The following TRHDE variants were observed in gnomAD, a reference collection of about 807,000 sequenced individuals.
TRHDE encodes the protein thyrotropin-releasing hormone-degrading ectoenzyme.
In TRHDE, 72 loss-of-function variants were observed where a neutral mutation model predicts 125.7. That is an observed-to-expected ratio of 0.57 (90% confidence interval 0.47 to 0.70). The LOEUF (loss-of-function observed/expected upper bound fraction) is 0.70. Ranked by LOEUF, TRHDE falls within the 30% of genes least tolerant of loss-of-function variation. The pLI is 0.00. For synonymous variants in TRHDE, 509 were observed against 509.1 expected (o/e 1.00, Z 0.00); for missense variants, 1,110 against 1,327.1 (o/e 0.84, Z 2.54).
chr12:72,650,693 T>G (rs1451149673), intron 15 of TRHDE, among the ~76,000 whole-genome samples: 4 of 151,158 alleles, frequency 2.6e-5, no homozygotes, highest in Non-Finnish European at 4.4e-5. Flanking sequence ...TATTTTGTTG[T>G]TTTTTTTTCT....
intron 2 of TRHDE, among the ~76,000 whole-genome samples, chr12:72,339,437 A>T (rs919829122): frequency 6.6e-6 from 1 of 152,054 alleles, no homozygotes; most frequent in African/African-American, 2.4e-5. Flanking sequence ...GCCATTTCAC[A>T]CTGAAAGTGT....
At chr12:72,391,149 G>A (rs933933055) in intron 3 of TRHDE, among the ~76,000 whole-genome samples, 1 of 152,090 alleles carries the variant, frequency 6.6e-6, no homozygotes, top group Non-Finnish European at 1.5e-5. Flanking sequence ...CACTGGAGGG[G>A]TTTAGGATTT....
At chr12:72,299,719 C>T (rs189676010) in intron 2 of TRHDE, among the ~76,000 whole-genome samples, 1 of 152,238 alleles carries the variant, frequency 6.6e-6, no homozygotes, top group Admixed American at 6.5e-5. Context: ...TTAATCAACT[C>T]AGTGTCCTCT....
rs189400342 is a variant in TRHDE, at chr12:72,497,315, T to C, written c.1585-2183T>C. ...TTGGAATTTACTTTAGATTTTATTT[T>C]TTAAATTATATAGCCATTTACTTTA... On this transcript the variant is annotated intron_variant, in intron 5 of 18. Transcript: ENST00000261180. Among the ~76,000 whole-genome samples the C allele has an allele frequency of 1.1e-4, 16 of 152,250 alleles. No individual in the cohort carries two copies. The East Asian group carries it at 1.5e-3, about 15-fold the overall frequency.
chr12:72,500,248 T>G (rs1878090164), intron 6 of TRHDE, among the ~76,000 whole-genome samples: 2 of 152,148 alleles, frequency 1.3e-5, no homozygotes, highest in South Asian at 4.1e-4. Context: ...TCTTTATATC[T>G]GTATCTCTTA....
chr12:72,641,033 T>A (rs1874037057), intron 15 of TRHDE, among the ~76,000 whole-genome samples: 1 of 152,182 alleles, frequency 6.6e-6, no homozygotes, highest in Non-Finnish European at 1.5e-5. Context: ...GAAGGGACTT[T>A]AGGACTCATG....
chr12:72,659,540 TTACA>T (rs1305700859), intron 18 of TRHDE, among the ~76,000 whole-genome samples: 5 of 152,202 alleles, frequency 3.3e-5, no homozygotes. Flanking sequence ...TTCTATTCAT[TTACA>T]TAGTTATTAA....
At chr12:72,373,877 C>T (rs973173339) in intron 2 of TRHDE, among the ~76,000 whole-genome samples, 8 of 152,192 alleles carry the variant, frequency 5.3e-5, no homozygotes, top group Non-Finnish European at 7.4e-5. Flanking sequence ...TAGTATAGGA[C>T]ATTTGGGGCC....
At chr12:72,333,106 C>T (rs947917016) in intron 2 of TRHDE, among the ~76,000 whole-genome samples, 2 of 152,208 alleles carry the variant, frequency 1.3e-5, no homozygotes, top group Admixed American at 6.5e-5. Flanking sequence ...TTGTCAGGTC[C>T]TTGATTTAAT....
At position 72,272,739 on chromosome 12, in the gene TRHDE, G is replaced by GGAGGAC; in HGVS notation, c.100_101insACGAGG (p.Glu33_Gly34insAspGlu). The stretch of plus-strand genomic sequence containing the variant: ...AGAAGAAGGAGGAGGAGGAGGAGGA[G>GGAGGAC]GAGGGGGCCGAGAAGAGCAGCTCAC... On this transcript the variant is annotated inframe_insertion, in exon 1 of 19. Coordinates refer to ENST00000261180, the MANE Select transcript of TRHDE (RefSeq NM_013381.3). This position sits in a 1 kb window ranked among gnomAD's most constrained non-coding sequence, Gnocchi z 6.7. The GGAGGAC allele has an allele frequency of 6.7e-7, 1 of 1,497,978 alleles. No individual in the cohort carries two copies. The allele number at this position is 1,497,978 out of a possible 1,614,324, so 92.8% of individuals were successfully genotyped here.
chr12:72,115,817 A>C (rs1472202824), intron 2 of TRHDE, among the ~76,000 whole-genome samples: 2 of 152,100 alleles, frequency 1.3e-5, no homozygotes, highest in African/African-American at 4.8e-5. Context: ...ACACCTTTTC[A>C]TACACTTGTT....
intron 2 of TRHDE, among the ~76,000 whole-genome samples, chr12:72,118,526 C>G (rs1347137410): frequency 6.6e-6 from 1 of 151,982 alleles, no homozygotes. Flanking sequence ...GTTGCTGTGT[C>G]TTTGTCTGTT....
chr12:72,541,459 T>G (rs1249810329), intron 6 of TRHDE, among the ~76,000 whole-genome samples: 1 of 151,570 alleles, frequency 6.6e-6, no homozygotes, highest in African/African-American at 2.4e-5. Context: ...CTCTTTCAAA[T>G]TAGTATTTTC....
chr12:72,608,574 G>C (rs1872533353), intron 12 of TRHDE, among the ~76,000 whole-genome samples: 1 of 152,124 alleles, frequency 6.6e-6, no homozygotes. Context: ...CAGGGAATGG[G>C]ATCAGTGGTT....
chr12:72,185,792 A>T (rs957623531), intron 2 of TRHDE, among the ~76,000 whole-genome samples: 1 of 144,788 alleles, frequency 6.9e-6, no homozygotes, highest in Non-Finnish European at 1.5e-5. Context: ...ACCACTCGGC[A>T]CTCTGTATCT....
intron 3 of TRHDE, among the ~76,000 whole-genome samples, chr12:72,460,296 A>C (rs750912956): frequency 3.9e-5 from 6 of 152,296 alleles, no homozygotes; most frequent in Non-Finnish European, 7.3e-5. Context: ...TGATGGGTAG[A>C]GAGGATCAGT....
intron 3 of TRHDE, among the ~76,000 whole-genome samples, chr12:72,453,827 C>T (rs920160372): frequency 1.3e-5 from 2 of 152,192 alleles, no homozygotes; most frequent in Non-Finnish European, 1.5e-5. Context: ...GCTCAGACCA[C>T]TGATTCAGAG....
At chr12:72,204,154 T>C (rs1877618285) in intron 2 of TRHDE, among the ~76,000 whole-genome samples, 1 of 152,190 alleles carries the variant, frequency 6.6e-6, no homozygotes, top group African/African-American at 2.4e-5. Context: ...CCATACACTC[T>C]TGAATTGACT....
intron 6 of TRHDE, among the ~76,000 whole-genome samples, chr12:72,516,972 C>G (rs1301290152): frequency 2.0e-5 from 3 of 152,072 alleles, no homozygotes; most frequent in Non-Finnish European, 2.9e-5. Flanking sequence ...ATTGAACCAG[C>G]CTTGCATCCC....
Sources: gnomAD v4.1 joint callset for allele counts (sites outside exome capture counted in the v4.1 genomes callset) on GRCh38, gnomAD v4.1.1 for gene constraint, Gnocchi (gnomAD v3.1) non-coding constraint, MANE v1.5 for transcripts, NCBI Gene and HGNC (gene_info 2026-07-23, HGNC 2026-07-21) for gene names.